The following ANKS1B variants were observed in gnomAD, a reference collection of about 807,000 sequenced individuals.
ANKS1B encodes the protein ankyrin repeat and sterile alpha motif domain containing 1B.
A neutral mutation model predicts 148.3 loss-of-function variants in ANKS1B; 36 were observed. The ratio of observed to expected loss-of-function variants is 0.24; its 90% CI spans 0.19 to 0.32. ANKS1B has a LOEUF of 0.32. Among genes scored for constraint, ANKS1B ranks in the 10% least tolerant of loss-of-function variants. The pLI, the probability that ANKS1B is intolerant of heterozygous loss-of-function variation, is 1.00. For synonymous variants in ANKS1B, 542 were observed against 560.8 expected, an observed-to-expected ratio of 0.97 and a Z score of 0.47; for missense variants, 1,157 against 1,542.6, an observed-to-expected ratio of 0.75 and a Z score of 4.19.
rs184220053 is a variant in ANKS1B at position 98,901,287 on chromosome 12, T to G, written c.2779-69151A>C. Among the ~76,000 whole-genome samples, 12 of 152,292 alleles carry G rather than the reference T, an allele frequency of 7.9e-5. No individual in the cohort carries two copies. In the East Asian group the frequency reaches 2.3e-3, roughly 29 times the overall value. ...TGGGTGCAAGGGATACAAATTTGTA[T>G]TAGCTGATTCCTGGTAGTTGGAAGG... On this transcript the variant is annotated intron_variant, in intron 17 of 26. Transcript: ENST00000683438.
At chr12:99,746,509 A>G (rs1057336534) in intron 8 of ANKS1B, among the ~76,000 whole-genome samples, 7 of 152,150 alleles carry the variant, frequency 4.6e-5, no homozygotes, top group Non-Finnish European at 1.0e-4. Context: ...ATGTTACATT[A>G]CCCTGAATTT....
At chr12:99,828,638 T>G (rs1339556647) in intron 1 of ANKS1B, among the ~76,000 whole-genome samples, 1 of 151,818 alleles carries the variant, frequency 6.6e-6, no homozygotes, top group Non-Finnish European at 1.5e-5. Context: ...CATCTCAATA[T>G]TAGAAAAGAT....
At chr12:99,098,723 A>G (rs916158567) in intron 15 of ANKS1B, among the ~76,000 whole-genome samples, 1 of 131,966 alleles carries the variant, frequency 7.6e-6, no homozygotes, top group Non-Finnish European at 1.6e-5. Flanking sequence ...TCTATTCTGA[A>G]AGAGGCAGCA....
intron 16 of ANKS1B, among the ~76,000 whole-genome samples, chr12:99,060,822 A>G (rs763534949): frequency 6.6e-6 from 1 of 152,076 alleles, no homozygotes; most frequent in Admixed American, 6.6e-5. Context: ...TGGAAGGTAT[A>G]GCAGGAGGAA....
At chr12:99,466,347 A>C (rs576589838) in intron 10 of ANKS1B, among the ~76,000 whole-genome samples, 1 of 152,338 alleles carries the variant, frequency 6.6e-6, no homozygotes, top group East Asian at 1.9e-4. Flanking sequence ...GAAAGATCCA[A>C]AATTGACACC....
At chr12:99,903,483 A>G (rs774234229) in intron 1 of ANKS1B, among the ~76,000 whole-genome samples, 1 of 152,204 alleles carries the variant, frequency 6.6e-6, no homozygotes, top group Non-Finnish European at 1.5e-5. Context: ...TAAGGCTGAT[A>G]CCCAGAGAGA....
At chr12:99,033,103 C>T (rs1282583095) in intron 17 of ANKS1B, among the ~76,000 whole-genome samples, 4 of 152,158 alleles carry the variant, frequency 2.6e-5, no homozygotes, top group Non-Finnish European at 5.9e-5. Flanking sequence ...AACCCTGTTA[C>T]ACATTATAGT....
intron 16 of ANKS1B, among the ~76,000 whole-genome samples, chr12:99,080,444 A>G (rs2049307207): frequency 6.6e-6 from 1 of 152,240 alleles, no homozygotes; most frequent in Non-Finnish European, 1.5e-5. Flanking sequence ...AAGTAATTCC[A>G]AAAGGTATTA....
chr12:99,631,135 C>T (rs2098156221), intron 9 of ANKS1B, among the ~76,000 whole-genome samples: 1 of 152,122 alleles, frequency 6.6e-6, no homozygotes, highest in African/African-American at 2.4e-5. Context: ...TCAATTAAAC[C>T]TCTCTCCTTT....
intron 9 of ANKS1B, among the ~76,000 whole-genome samples, chr12:99,521,970 G>A (rs749685943): frequency 1.3e-4 from 20 of 152,206 alleles, no homozygotes; most frequent in Non-Finnish European, 1.8e-4. Context: ...CCTTTAGGGC[G>A]GGAAGTTCCC....
chr12:99,444,662 G>C (rs2095607225), intron 10 of ANKS1B, among the ~76,000 whole-genome samples: 1 of 151,852 alleles, frequency 6.6e-6, no homozygotes, highest in South Asian at 2.1e-4. Flanking sequence ...CAACAATTTG[G>C]CAAACTTCAA....
chr12:99,332,509 C>G (rs2087766929), intron 12 of ANKS1B, among the ~76,000 whole-genome samples: 1 of 151,766 alleles, frequency 6.6e-6, no homozygotes, highest in Admixed American at 6.6e-5. Context: ...TGTCCCTGCC[C>G]TTAATTAGAT....
intron 16 of ANKS1B, among the ~76,000 whole-genome samples, chr12:99,083,040 T>C (rs2050370419): frequency 6.6e-6 from 1 of 152,112 alleles, no homozygotes; most frequent in Admixed American, 6.6e-5. Context: ...CTGAATTGGT[T>C]CTAAGGATGT....
chr12:98,753,293 G>C (rs560769175), intron 25 of ANKS1B, among the ~76,000 whole-genome samples: 1 of 152,244 alleles, frequency 6.6e-6, no homozygotes, highest in African/African-American at 2.4e-5. Flanking sequence ...CACATTGTCT[G>C]ACCCAAAAGA....
intron 17 of ANKS1B, among the ~76,000 whole-genome samples, chr12:99,013,490 A>G (rs2099940644): frequency 6.6e-6 from 1 of 152,192 alleles, no homozygotes; most frequent in South Asian, 2.1e-4. Flanking sequence ...CCTATTCAAC[A>G]TAATATTGGA....
chr12:99,096,014 C>T (rs1357341815), intron 15 of ANKS1B, among the ~76,000 whole-genome samples: 2 of 152,170 alleles, frequency 1.3e-5, no homozygotes, highest in Admixed American at 6.6e-5. Context: ...TTGAAGATGA[C>T]AGGTGTCCAG....
chr12:99,967,123 ATATAAT>A (rs2095493605), intron 1 of ANKS1B, among the ~76,000 whole-genome samples: 1 of 152,218 alleles, frequency 6.6e-6, no homozygotes, highest in African/African-American at 2.4e-5. Context: ...CTCATGAAAT[ATATAAT>A]TATGATTTAT....
intron 12 of ANKS1B, among the ~76,000 whole-genome samples, chr12:99,392,564 C>T (rs2094111250): frequency 6.6e-6 from 1 of 152,230 alleles, no homozygotes; most frequent in African/African-American, 2.4e-5. Flanking sequence ...AGGTAGTTGA[C>T]TTGCTTAGCA....
chr12:98,798,210 C>T (rs530948508), intron 22 of ANKS1B, among the ~76,000 whole-genome samples: 26 of 151,668 alleles, frequency 1.7e-4, no homozygotes, highest in African/African-American at 4.8e-4. Context: ...GCAAGCTCTG[C>T]CTTCAGGTTC....
Sources: gnomAD v4.1 joint callset for allele counts (sites outside exome capture counted in the v4.1 genomes callset) on GRCh38, gnomAD v4.1.1 for gene constraint, MANE v1.5 for transcripts, NCBI Gene and HGNC (gene_info 2026-07-23, HGNC 2026-07-21) for gene names.